ZBTB17: variants seen among roughly 807,000 people sequenced by gnomAD.
ZBTB17 encodes zinc finger and BTB domain-containing protein 17.
ZBTB17 carries 24 observed loss-of-function variants against 85.1 expected under a neutral mutation model. The ratio of observed to expected loss-of-function variants is 0.28; its 90% CI spans 0.20 to 0.40. The LOEUF (loss-of-function observed/expected upper bound fraction) is 0.40. ZBTB17 is among the 10% of genes least tolerant of loss of function. The pLI, the probability that ZBTB17 is intolerant of heterozygous loss-of-function variation, is 1.00. For synonymous variants in ZBTB17, 464 were observed against 460.2 expected, an observed-to-expected ratio of 1.01 and a Z score of -0.11; for missense variants, 743 against 1,105.1, an observed-to-expected ratio of 0.67 and a Z score of 4.65.
chr1:15,970,015 T>C, intron 2 of ZBTB17: 3 of 793,420 alleles, frequency 3.8e-6, no homozygotes, highest in Non-Finnish European at 6.3e-6. Flanking sequence ...TAGCATTCAC[T>C]GGGATGATGC....
At position 15,944,813 on chromosome 1, in the gene ZBTB17, C is replaced by A; in HGVS notation, c.954G>T (p.Thr318=). Residue 318 remains threonine, a synonymous_variant, in exon 8 of 16, where the codon ACG becomes ACT. Coordinates refer to ENST00000375743, the MANE Select transcript of ZBTB17 (RefSeq NM_003443.3). ...CEDCGKEFTH[T]GNFKRHIRIH... Reference sequence around the variant, plus strand: ...TGCGGATGTGCCGCTTGAAGTTCCCCGTGTGCGTGAACTCCTTCCCACAGT... The same window carrying A: ...TGCGGATGTGCCGCTTGAAGTTCCCAGTGTGCGTGAACTCCTTCCCACAGT... 6.2e-7 allele frequency: 1 copy of A among 1,607,494 alleles called. No individual in the cohort carries two copies.
Position 15,949,812 on chromosome 1 carries a change from C to T in ZBTB17, c.-2-1315G>A, listed in dbSNP as rs1327514053. Among the ~76,000 whole-genome samples, 9 of 152,340 alleles carry T rather than the reference C, an allele frequency of 5.9e-5. No homozygotes were observed. The East Asian group carries it at 7.7e-4, about 13-fold the overall frequency. ...ACCAGCACAGGTCGGCCTTGAAGGG[C>T]GCCAAGGCCTCCCACCACGTGATGT... is the stretch of plus-strand genomic sequence containing the variant. On this transcript the variant is annotated intron_variant, in intron 2 of 15. Coordinates refer to ENST00000375743, the MANE Select transcript of ZBTB17 (RefSeq NM_003443.3).
intron 2 of ZBTB17, among the ~76,000 whole-genome samples, chr1:15,962,875 A>G (rs1424407510): frequency 6.6e-6 from 1 of 152,198 alleles, no homozygotes; most frequent in Non-Finnish European, 1.5e-5. Context: ...CGGGAGTTCA[A>G]GGCTGTAGTG....
rs1215287459 is a variant in ZBTB17, at chr1:15,946,200, C to T, written c.489G>A (p.Arg163=). ...AGRSTPIGPS[R]DLKEERGGQA... ...GACCGCCGCGCTCCTCCTTGAGGTC[C>T]CTGCTGGGGCCTATGGGTGTGCTGC... Residue 163 remains arginine (R), a synonymous_variant, in exon 5 of 16, where the codon AGG becomes AGA. Coordinates refer to ENST00000375743, the MANE Select transcript of ZBTB17 (RefSeq NM_003443.3). 3 of 1,612,804 alleles carry T rather than the reference C, an allele frequency of 1.9e-6. No individual in the cohort carries two copies. The highest frequency in any genetic ancestry group is 2.5e-6 in the Non-Finnish European group (3 of 1,180,018).
chr1:15,946,067 C>T (rs1157852094), intron 5 of ZBTB17, 87 bp downstream of exon 5: 5 of 1,595,098 alleles, frequency 3.1e-6, no homozygotes, highest in Non-Finnish European at 4.3e-6. Context: ...GCCCGTGCTA[C>T]CTGCCCCAAG....
At chr1:15,971,759 C>T (rs917947233) in intron 2 of ZBTB17, among the ~76,000 whole-genome samples, 12 of 151,962 alleles carry the variant, frequency 7.9e-5, no homozygotes, top group Admixed American at 6.5e-4. Context: ...ATGTAATTCT[C>T]CAAACAATTC....
intron 3 of ZBTB17, chr1:15,947,410 C>T (rs902181837): frequency 2.4e-6 from 1 of 414,000 alleles, no homozygotes; most frequent in African/African-American, 2.0e-5. Context: ...TGTGAATGCC[C>T]ACACTGCACA....
In ZBTB17 at chr1:15,973,362, A is replaced by G. The variant is rs1273714459; in HGVS notation, c.-89-237T>C. Among the ~76,000 whole-genome samples the G allele has an allele frequency of 1.3e-5, 2 of 152,216 alleles. No individual in the cohort carries two copies. Among genetic ancestry groups the G allele is most frequent in the African/African-American group, 4.8e-5 (2 of 41,456 alleles). ...CCCTGCTCTCAAGAACTCCAGCTCA[A>G]TAAGAGACAGGACACAATGTTAAGA... On this transcript the variant is annotated intron_variant, in intron 1 of 15. Coordinates refer to ENST00000375743, the MANE Select transcript of ZBTB17 (RefSeq NM_003443.3). The surrounding 1 kb of genome is among the most constrained non-coding windows in gnomAD (Gnocchi z 4.1).
At chr1:15,970,447 A>G (rs1460742964) in intron 2 of ZBTB17, among the ~76,000 whole-genome samples, 1 of 151,380 alleles carries the variant, frequency 6.6e-6, no homozygotes, top group Non-Finnish European at 1.5e-5. Flanking sequence ...GCTAGAATGC[A>G]GTGGCGTGAT....
chr1:15,952,900 A>G lies in ZBTB17; in HGVS notation c.-2-4403T>C, dbSNP rs2071915035. The G allele has an allele frequency of 6.6e-6, 1 of 152,412 alleles. No individual in the cohort carries two copies. Among genetic ancestry groups the G allele is most frequent in the Admixed American group, 6.5e-5 (1 of 15,310 alleles). The allele number at this position is 152,412 out of a possible 1,614,324, so 9.4% of individuals were successfully genotyped here. A position where few individuals can be genotyped will look rare whatever the true frequency, so the allele number is the denominator to read the frequency against. ...CTGTCCACCCATCCAACTAAGAAAGACTGACTCACCGATGACTTATGCCAC... is the reference window on the plus strand; with the variant it reads ...CTGTCCACCCATCCAACTAAGAAAGGCTGACTCACCGATGACTTATGCCAC... On this transcript the variant is annotated intron_variant, in intron 2 of 15. Coordinates refer to ENST00000375743, the MANE Select transcript of ZBTB17 (RefSeq NM_003443.3). This position sits in a 1 kb window ranked among gnomAD's most constrained non-coding sequence, Gnocchi z 4.3.
intron 2 of ZBTB17, among the ~76,000 whole-genome samples, chr1:15,955,497 T>C (rs2072014049): frequency 2.0e-5 from 3 of 152,192 alleles, no homozygotes; most frequent in Non-Finnish European, 4.4e-5. Flanking sequence ...AGCATAAGAA[T>C]CACTGCTATC....
chr1:15,957,315 A>C (rs2072081585), intron 2 of ZBTB17, among the ~76,000 whole-genome samples: 1 of 151,442 alleles, frequency 6.6e-6, no homozygotes, highest in East Asian at 1.9e-4. Context: ...ACATGAGAAG[A>C]GCAGATGCAA....
At chr1:15,965,069 G>A (rs1176556977) in intron 2 of ZBTB17, among the ~76,000 whole-genome samples, 13 of 150,226 alleles carry the variant, frequency 8.7e-5, no homozygotes, top group South Asian at 4.2e-4. Context: ...AGCTGAGATC[G>A]CGCCACTGCA....
At chr1:15,971,405 T>G (rs1000686554) in intron 2 of ZBTB17, among the ~76,000 whole-genome samples, 2 of 144,356 alleles carry the variant, frequency 1.4e-5, no homozygotes, top group African/African-American at 5.3e-5. Flanking sequence ...ACACTATATA[T>G]ATACACACAC....
intron 2 of ZBTB17, among the ~76,000 whole-genome samples, chr1:15,967,341 T>G (rs1436380706): frequency 6.6e-6 from 1 of 151,712 alleles, no homozygotes; most frequent in Non-Finnish European, 1.5e-5. Context: ...GCTCCACTGC[T>G]CTCTAGCCTT....
rs2071995671 is a variant in ZBTB17, at chr1:15,955,024, C to CAT, written c.-2-6528_-2-6527insAT. The stretch of plus-strand genomic sequence containing the variant: ...CAAAAATTAGCTGGGTGTGGTGGTG[C>CAT]GCACCTGTAGTCCCGGCTACTCGGG... On this transcript the variant is annotated intron_variant, in intron 2 of 15. Coordinates refer to ENST00000375743, the MANE Select transcript of ZBTB17 (RefSeq NM_003443.3). Among the ~76,000 whole-genome samples the CAT allele has an allele frequency of 4.3e-4, 66 of 152,086 alleles. 1 individual carries two copies. The highest frequency in any genetic ancestry group is 3.7e-3 in the Admixed American group (56 of 15,280).
Position 15,953,093 on chromosome 1 carries a change from T to C in ZBTB17, c.-2-4596A>G, listed in dbSNP as rs2071920533. The C allele has an allele frequency of 6.6e-6, 1 of 152,196 alleles. No individual in the cohort carries two copies. Among genetic ancestry groups the C allele is most frequent in the Non-Finnish European group, 1.5e-5 (1 of 68,026 alleles). The allele number at this position is 152,196 out of a possible 1,614,324, so 9.4% of individuals were successfully genotyped here. On this transcript the variant is annotated intron_variant, in intron 2 of 15. Coordinates refer to ENST00000375743, the MANE Select transcript of ZBTB17 (RefSeq NM_003443.3). The surrounding 1 kb of genome is among the most constrained non-coding windows in gnomAD (Gnocchi z 5.1). ...CCTAGAAGAGTTCTCTTTCTTTACTTGGAGTCCCCTGGATTTATTACTTAA... is the reference window on the plus strand; with the variant it reads ...CCTAGAAGAGTTCTCTTTCTTTACTCGGAGTCCCCTGGATTTATTACTTAA...
chr1:15,943,979 T>G, intron 9 of ZBTB17, 84 bp from the exon 10 acceptor site: 1 of 1,342,892 alleles, frequency 7.4e-7, no homozygotes, highest in Non-Finnish European at 1.0e-6. Flanking sequence ...AAAGGAACAA[T>G]TGACTCTCAG....
chr1:15,947,297 C>G (rs1557777658), intron 3 of ZBTB17, 174 bp from the exon 4 acceptor site: 4 of 639,442 alleles, frequency 6.3e-6, no homozygotes, highest in Non-Finnish European at 1.1e-5. Flanking sequence ...GATCTCAGCA[C>G]TACCAACAGC....
Sources: allele counts gnomAD v4.1 joint callset (sites outside exome capture counted in the v4.1 genomes callset), GRCh38; gene constraint gnomAD v4.1.1; non-coding constraint Gnocchi (gnomAD v3.1); transcripts MANE v1.5; gene names NCBI Gene and HGNC (gene_info 2026-07-23, HGNC 2026-07-21).